The following MAPK7 variants were observed in gnomAD, a reference collection of about 807,000 sequenced individuals.
MAPK7 encodes BMK-1.
A neutral mutation model predicts 56.9 loss-of-function variants in MAPK7; 30 were observed. That is an observed-to-expected ratio of 0.53 (90% CI 0.39 to 0.72). The LOEUF (loss-of-function observed/expected upper bound fraction) is 0.72. MAPK7 is among the 30% of genes least tolerant of loss of function. The probability of loss-of-function intolerance (pLI) is 0.00; values close to 1 mark genes in which losing one functional copy is unlikely to be tolerated. For synonymous variants in MAPK7, 516 were observed against 449.3 expected (o/e 1.15, Z -1.88); for missense variants, 952 against 1,110.8 (o/e 0.86, Z 2.03).
At position 19,381,980 on chromosome 17, in the gene MAPK7, A is replaced by G. The variant is rs369903090; in HGVS notation, c.1677A>G (p.Leu559=). The change falls in exon 5 of 7, where the codon CTA becomes CTG. Residue 559 remains leucine, a synonymous_variant. Coordinates refer to ENST00000395604, the MANE Select transcript of MAPK7 (RefSeq NM_002749.4). The surrounding 1 kb of genome is among the most constrained non-coding windows in gnomAD (Gnocchi z 4.6). ...GGPSTDPLAG[L]VLSDNDRSLL... ...CCTCCACTGACCCCTTGGCTGGACT[A>G]GTGCTCAGTGACAATGACAGAAGCC... The G allele has an allele frequency of 5.8e-6, 9 of 1,552,008 alleles. No homozygotes were observed. Among genetic ancestry groups the G allele is most frequent in the Non-Finnish European group, 7.8e-6 (9 of 1,147,334 alleles).
In MAPK7 at chr17:19,382,449, C is replaced by G. The variant is rs942949367; in HGVS notation, c.2146C>G (p.Gln716Glu). 1.3e-6 allele frequency: 2 copies of G among 1,599,132 alleles called. No homozygotes were observed. The highest frequency in any genetic ancestry group is 3.4e-4 in the Middle Eastern group (2 of 5,968). ...ACCTGATGTCAACCTTGTGACCCAG[C>G]AGCTATCTAAGTCACAGGTGAGAGG... The part of the protein sequence containing the change: ...ESPDVNLVTQ[Q>E]LSKSQVEDPL... The change falls in exon 5 of 7, where the codon CAG becomes GAG. Residue 716 changes from glutamine (Q) to glutamate (E), a missense_variant. Gln to Glu is a conservative substitution (Grantham distance 29). Around this residue, in one of 5 missense-constraint regions of MAPK7, gnomAD observed 234 missense variants for 210.4 expected, o/e 1.11. Coordinates refer to ENST00000395604, the MANE Select transcript of MAPK7 (RefSeq NM_002749.4).
At chr17:19,379,466 T>A in intron 2 of MAPK7, 1 of 553,942 alleles carries the variant, frequency 1.8e-6, no homozygotes, top group South Asian at 2.2e-5. Context: ...ATGGGTGAGG[T>A]CTGAGATGGA....
In MAPK7 at chr17:19,383,312, A is replaced by G; in HGVS notation, c.*81A>G. ...GCATTCTCAAAGGCTTTAGCCCTGG[A>G]CCCAGCAGGTGAGGCTCGGCTTGGA... On this transcript the variant is annotated 3_prime_UTR_variant, in exon 7 of 7. Coordinates refer to ENST00000395604, the MANE Select transcript of MAPK7 (RefSeq NM_002749.4). 6.7e-7 allele frequency: 1 copy of G among 1,490,880 alleles called. No homozygotes were observed. Among genetic ancestry groups the G allele is most frequent in the East Asian group, 2.3e-5 (1 of 43,748 alleles). The allele number at this position is 1,490,880 out of a possible 1,614,324, so 92.4% of individuals were successfully genotyped here.
chr17:19,379,873 C>G lies in MAPK7; in HGVS notation c.324C>G (p.His108Gln). The stretch of plus-strand genomic sequence containing the variant: ...TCAGGGAGCTGAAGATCCTCAAGCA[C>G]TTTAAACACGACAACATCATCGCCA... Reference protein sequence around the residue: ...RTLRELKILKHFKHDNIIAIK... With the variant: ...RTLRELKILKQFKHDNIIAIK... The change falls in exon 3 of 7, where the codon CAC becomes CAG. Residue 108 changes from histidine to glutamine, a missense_variant. Physicochemically the swap from His to Gln is conservative, Grantham distance 24. Coordinates refer to ENST00000395604, the MANE Select transcript of MAPK7 (RefSeq NM_002749.4). 6.2e-7 allele frequency: 1 copy of G among 1,614,254 alleles called. No homozygotes were observed.
chr17:19,378,046 C>A (rs75007942), upstream of MAPK7: 2,086 of 985,368 alleles, frequency 2.1e-3, 107 homozygotes, highest in East Asian at 0.12. The surrounding 1 kb of genome is among the most constrained non-coding windows in gnomAD (Gnocchi z 5.4). Context: ...TGGGACCAAG[C>A]AAATGGCGGA....
Position 19,381,699 on chromosome 17 carries a change from C to T in MAPK7, c.1477+13C>T, listed in dbSNP as rs761752155. 1.3e-5 allele frequency: 21 copies of T among 1,567,074 alleles called. No homozygotes were observed. Among genetic ancestry groups the T allele is most frequent in the Middle Eastern group, 1.7e-4 (1 of 5,840 alleles). ...AGCCGGCTCAGAGGTGCCTTGTGGG[C>T]AGGTCGGGTGGGCAGAGGGGAGACT... On this transcript the variant is annotated intron_variant, in intron 4 of 6. Coordinates refer to ENST00000395604, the MANE Select transcript of MAPK7 (RefSeq NM_002749.4). The surrounding 1 kb of genome is among the most constrained non-coding windows in gnomAD (Gnocchi z 4.6).
chr17:19,379,904 G>C lies in MAPK7; in HGVS notation c.355G>C (p.Asp119His). ...FKHDNIIAIK[D>H]ILRPTVPYGE... ...ACACGACAACATCATCGCCATCAAG[G>C]ACATCCTGAGGCCCACCGTGCCCTA... The change falls in exon 3 of 7, where the codon GAC (aspartate) becomes CAC (histidine). Residue 119 changes from aspartate (D) to histidine (H), a missense_variant. Asp to His is a moderately conservative substitution (Grantham distance 81). This residue lies in a region of MAPK7 where 213 missense variants were observed against 243.2 expected (regional missense o/e 0.88). Coordinates refer to ENST00000395604, the MANE Select transcript of MAPK7 (RefSeq NM_002749.4). 1 of 1,614,206 alleles carries C rather than the reference G, an allele frequency of 6.2e-7. No individual in the cohort carries two copies. Among genetic ancestry groups the C allele is most frequent in the Non-Finnish European group, 8.5e-7 (1 of 1,180,046 alleles).
chr17:19,379,010 T>C lies in MAPK7; in HGVS notation c.110T>C (p.Leu37Pro). The C allele has an allele frequency of 6.2e-7, 1 of 1,613,610 alleles. No homozygotes were observed. The highest frequency in any genetic ancestry group is 8.5e-7 in the Non-Finnish European group (1 of 1,179,826). Residue 37 changes from leucine (L) to proline (P), a missense_variant, in exon 2 of 7, where the codon CTG becomes CCG. Leu to Pro is a moderately conservative substitution (Grantham distance 98). Coordinates refer to ENST00000395604, the MANE Select transcript of MAPK7 (RefSeq NM_002749.4). Reference sequence around the variant, plus strand: ...GCTGCCTCTGTAGCGGCCAAGAACCTGGCCCTGCTTAAAGCCCGCTCCTTC... The same window carrying C: ...GCTGCCTCTGTAGCGGCCAAGAACCCGGCCCTGCTTAAAGCCCGCTCCTTC... ...HTAASVAAKNLALLKARSFDV... is the reference protein window; with the variant it reads ...HTAASVAAKNPALLKARSFDV...
upstream of MAPK7, chr17:19,378,138 G>GT (rs917108113): frequency 7.6e-5 from 74 of 977,190 alleles, no homozygotes; most frequent in Admixed American, 4.9e-4. The surrounding 1 kb of genome is among the most constrained non-coding windows in gnomAD (Gnocchi z 5.4). Context: ...AGGCCGGGCA[G>GT]TTCCCCGAGC....
At position 19,381,306 on chromosome 17, in the gene MAPK7, C is replaced by T; in HGVS notation, c.1097C>T (p.Ala366Val). The T allele has an allele frequency of 6.2e-7, 1 of 1,614,080 alleles. No individual in the cohort carries two copies. Among genetic ancestry groups the T allele is most frequent in the Non-Finnish European group, 8.5e-7 (1 of 1,180,042 alleles). Reference sequence around the variant, plus strand: ...GACTGTGCCCCGCCCTTTGACTTTGCCTTTGACCGCGAAGCCCTCACTCGG... The same window carrying T: ...GACTGTGCCCCGCCCTTTGACTTTGTCTTTGACCGCGAAGCCCTCACTCGG... Reference protein sequence around the residue: ...EPDCAPPFDFAFDREALTRER... With the variant: ...EPDCAPPFDFVFDREALTRER... Residue 366 changes from alanine (A) to valine (V), a missense_variant, in exon 4 of 7, where the codon GCC becomes GTC. Around this residue, in one of 5 missense-constraint regions of MAPK7, gnomAD observed 429 missense variants for 533.0 expected, o/e 0.80. Coordinates refer to ENST00000395604, the MANE Select transcript of MAPK7 (RefSeq NM_002749.4). This position sits in a 1 kb window ranked among gnomAD's most constrained non-coding sequence, Gnocchi z 4.6.
upstream of MAPK7, chr17:19,378,156 A>C (rs1247488773): frequency 2.0e-6 from 2 of 976,674 alleles, no homozygotes; most frequent in Non-Finnish European, 2.4e-6. The surrounding 1 kb of genome is among the most constrained non-coding windows in gnomAD (Gnocchi z 5.4). Context: ...AGCTCACGGG[A>C]CTAGCTGTGA....
Position 19,382,894 on chromosome 17 carries a change from G to C in MAPK7, c.2245G>C (p.Glu749Gln). Residue 749 changes from glutamate to glutamine, a missense_variant, in exon 6 of 7, where the codon GAA becomes CAA. Physicochemically the swap from Glu to Gln is conservative, Grantham distance 29. Around this residue, in one of 5 missense-constraint regions of MAPK7, gnomAD observed 73 missense variants for 104.6 expected, o/e 0.70. Transcript: ENST00000395604. The part of the protein sequence containing the change: ...AGYGVGFDLE[E>Q]FLNQSFDMGV... ...CTACGGTGTTGGCTTTGACCTGGAG[G>C]AATTCTTAAACCAGTCTTTCGACAT... 6.2e-7 allele frequency: 1 copy of C among 1,614,256 alleles called. No individual in the cohort carries two copies. The highest frequency in any genetic ancestry group is 1.6e-4 in the Middle Eastern group (1 of 6,062).
chr17:19,379,172 T>C, intron 2 of MAPK7, 40 bp downstream of exon 2: 1 of 1,575,028 alleles, frequency 6.3e-7, no homozygotes, highest in Non-Finnish European at 8.7e-7. Context: ...TGTGGCAGCG[T>C]CGCAGGGAGT....
chr17:19,380,564 G>A, intron 3 of MAPK7, 44 bp from the exon 4 acceptor site: 1 of 1,550,682 alleles, frequency 6.4e-7, no homozygotes, highest in East Asian at 2.3e-5. Context: ...TCCCTGGAGT[G>A]TGATCAGGCC....
Position 19,382,057 on chromosome 17 carries a change from C to G in MAPK7, c.1754C>G (p.Ser585Cys), listed in dbSNP as rs536758612. The change falls in exon 5 of 7, where the codon TCT becomes TGT. Residue 585 changes from serine (S) to cysteine (C), a missense_variant. Physicochemically the swap from Ser to Cys is moderately radical, Grantham distance 112 (BLOSUM62 -1). Coordinates refer to ENST00000395604, the MANE Select transcript of MAPK7 (RefSeq NM_002749.4). ...MARPAAPALT[S>C]VPAPAPAPTP... is the part of the protein sequence containing the mutation. Reference sequence around the variant, plus strand: ...CGGCCCGCAGCCCCAGCCCTCACCTCTGTGCCGGCCCCTGCCCCAGCGCCA... The same window carrying G: ...CGGCCCGCAGCCCCAGCCCTCACCTGTGTGCCGGCCCCTGCCCCAGCGCCA... The G allele has an allele frequency of 1.0e-4, 163 of 1,584,438 alleles. 1 individual carries two copies. The South Asian group carries it at 1.8e-3, about 17-fold the overall frequency.
chr17:19,380,341 A>G, intron 3 of MAPK7: 2 of 758,742 alleles, frequency 2.6e-6, no homozygotes, highest in South Asian at 2.8e-5. Flanking sequence ...AAGGAAACCT[A>G]TTGGCCAGCC....
At chr17:19,380,490 T>C (rs2152291953) in intron 3 of MAPK7, 118 bp from the exon 4 acceptor site, 1 of 1,475,752 alleles carries the variant, frequency 6.8e-7, no homozygotes, top group African/African-American at 1.4e-5. Context: ...TCAGCCCCTA[T>C]GGGGTCCCAG....
Position 19,381,371 on chromosome 17 carries a change from T to G in MAPK7, c.1162T>G (p.Phe388Val). The change falls in exon 4 of 7, where the codon TTC becomes GTC. Residue 388 changes from phenylalanine (F) to valine (V), a missense_variant. Physicochemically the swap from Phe to Val is conservative, Grantham distance 50. Around this residue, in one of 5 missense-constraint regions of MAPK7, gnomAD observed 429 missense variants for 533.0 expected, o/e 0.80. Transcript: ENST00000395604. The surrounding 1 kb of genome is among the most constrained non-coding windows in gnomAD (Gnocchi z 4.6). ...GGCCATTGTGGCTGAAATTGAGGAC[T>G]TCCATGCAAGGCGTGAGGGCATCCG... is the stretch of plus-strand genomic sequence containing the variant. ...KEAIVAEIED[F>V]HARREGIRQQ... 2 of 1,614,134 alleles carry G rather than the reference T, an allele frequency of 1.2e-6. No homozygotes were observed. The highest frequency in any genetic ancestry group is 1.7e-6 in the Non-Finnish European group (2 of 1,180,032).
chr17:19,378,002 C>A (rs1398529547), upstream of MAPK7: 96 of 985,208 alleles, frequency 9.7e-5, no homozygotes, highest in Non-Finnish European at 1.2e-4. The surrounding 1 kb of genome is among the most constrained non-coding windows in gnomAD (Gnocchi z 5.4). Context: ...GTGACGGGCA[C>A]CCTCTACCGG....
Sources: gnomAD v4.1 joint callset for allele counts on GRCh38, gnomAD v4.1.1 for gene constraint, gnomAD v4.1.1 regional missense constraint, Gnocchi (gnomAD v3.1) non-coding constraint, MANE v1.5 for transcripts, NCBI Gene and HGNC (gene_info 2026-07-23, HGNC 2026-07-21) for gene names.